The following LCORL variants were observed in gnomAD, a reference collection of about 807,000 sequenced individuals.
LCORL encodes the protein ligand-dependent nuclear receptor corepressor-like protein.
A neutral mutation model predicts 141.8 loss-of-function variants in LCORL; 41 were observed. The observed-to-expected ratio is 0.29, with a 90% CI of 0.23 to 0.38. The LOEUF is 0.38. LCORL is among the 10% of genes least tolerant of loss of function. The pLI, the probability that LCORL is intolerant of heterozygous loss-of-function variation, is 1.00. For missense variants in LCORL, 1,759 were observed against 2,035.0 expected (o/e 0.86, Z 2.61); for synonymous variants, 618 against 694.1 (o/e 0.89, Z 1.72).
intron 7 of LCORL, among the ~76,000 whole-genome samples, chr4:17,854,198 T>C (rs370571612): frequency 6.6e-6 from 1 of 152,184 alleles, no homozygotes; most frequent in Admixed American, 6.6e-5. Context: ...GCACATTTCT[T>C]AATCTTTCTA....
intron 1 of LCORL, among the ~76,000 whole-genome samples, chr4:18,014,639 G>A (rs1195423562): frequency 1.3e-5 from 2 of 151,950 alleles, no homozygotes; most frequent in African/African-American, 4.8e-5. Context: ...AAGGAGATGA[G>A]ACACAGACAA....
At chr4:17,876,691 C>T (rs1459234421) in exon 7 of LCORL, 24 of 1,230,648 alleles carry the variant, frequency 2.0e-5, no homozygotes, top group East Asian at 3.2e-5. Flanking sequence ...CTCAAAAGTC[C>T]AGAAACATCA....
intron 4 of LCORL, among the ~76,000 whole-genome samples, chr4:17,924,955 C>T (rs182796755): frequency 3.9e-5 from 6 of 152,252 alleles, no homozygotes; most frequent in Admixed American, 3.3e-4. Context: ...TTCACGGGTC[C>T]AGGAGTCAAG....
chr4:17,934,467 C>T (rs993255390), intron 4 of LCORL, among the ~76,000 whole-genome samples: 3 of 151,986 alleles, frequency 2.0e-5, no homozygotes, highest in Non-Finnish European at 4.4e-5. Flanking sequence ...AAAAAGCATT[C>T]AGTAGATGGC....
At position 17,879,022 on chromosome 4, in the gene LCORL, T is replaced by C. The variant is rs73242126; in HGVS notation, c.777-809A>G. Among the ~76,000 whole-genome samples the C allele has an allele frequency of 9.8e-3, 1,478 of 151,294 alleles. 7 individuals are homozygous for C. The highest frequency in any genetic ancestry group is 0.017 in the Middle Eastern group (5 of 294). ...TTTAAAGAGTTCTGTTTCAGAAAAG[T>C]ATTTTAATTAAACATATCACCAAAC... On this transcript the variant is annotated intron_variant, in intron 6 of 7. Transcript: ENST00000635767.
intron 5 of LCORL, among the ~76,000 whole-genome samples, chr4:17,897,894 A>T (rs911188177): frequency 2.6e-5 from 4 of 152,156 alleles, no homozygotes. Flanking sequence ...ATGTTTAGAG[A>T]CCACACTCCA....
intron 4 of LCORL, among the ~76,000 whole-genome samples, chr4:17,926,721 G>C (rs1735209989): frequency 6.6e-6 from 1 of 152,164 alleles, no homozygotes. Flanking sequence ...TATCATATTA[G>C]TCCTGTCCTT....
chr4:17,871,626 T>C (rs1189245869), intron 7 of LCORL, among the ~76,000 whole-genome samples: 1 of 151,976 alleles, frequency 6.6e-6, no homozygotes, highest in African/African-American at 2.4e-5. Flanking sequence ...GATATGAGGA[T>C]GATATAAAGA....
chr4:17,990,501 G>A (rs1249750769), intron 1 of LCORL, among the ~76,000 whole-genome samples: 2 of 151,444 alleles, frequency 1.3e-5, no homozygotes, highest in African/African-American at 2.4e-5. Context: ...CTAATCATGA[G>A]GTGAGGGAGT....
At chr4:17,953,851 A>T (rs995224692) in intron 4 of LCORL, among the ~76,000 whole-genome samples, 8 of 152,036 alleles carry the variant, frequency 5.3e-5, no homozygotes, top group Admixed American at 5.2e-4. Flanking sequence ...TTTTAAGAGG[A>T]GTAAGGGAGA....
intron 1 of LCORL, among the ~76,000 whole-genome samples, chr4:18,015,336 A>G (rs1724474192): frequency 6.6e-6 from 1 of 152,202 alleles, no homozygotes; most frequent in South Asian, 2.1e-4. Flanking sequence ...TGTAGCCCAT[A>G]TCTAACATTT....
Position 18,021,798 on chromosome 4 carries a change from C to T in LCORL, c.-47G>A. 1 of 1,439,890 alleles carries T rather than the reference C, an allele frequency of 6.9e-7. No homozygotes were observed. Among genetic ancestry groups the T allele is most frequent in the Non-Finnish European group, 9.0e-7 (1 of 1,105,468 alleles). 89.2% of individuals were successfully genotyped at this position (1,439,890 alleles called of 1,614,324 possible). On this transcript the variant is annotated 5_prime_UTR_variant, in exon 1 of 8. Transcript: ENST00000635767. This position sits in a 1 kb window ranked among gnomAD's most constrained non-coding sequence, Gnocchi z 5.5. ...CTCATTTACATACGAGCAGCGCAGG[C>T]ACGAGGCAGGGGCGCGAGCCCTCGG... is the stretch of plus-strand genomic sequence containing the variant.
chr4:17,964,392 A>G (rs1316404841), intron 2 of LCORL, among the ~76,000 whole-genome samples: 1 of 152,152 alleles, frequency 6.6e-6, no homozygotes, highest in Non-Finnish European at 1.5e-5. Flanking sequence ...AATACTTTAT[A>G]AACTATGAAG....
chr4:17,913,840 A>G (rs538170047), intron 4 of LCORL, among the ~76,000 whole-genome samples: 55 of 152,234 alleles, frequency 3.6e-4, no homozygotes, highest in Admixed American at 8.5e-4. Flanking sequence ...TTGCATTGAC[A>G]TGGTTAAATT....
At chr4:17,964,415 G>A (rs1714448455) in intron 2 of LCORL, among the ~76,000 whole-genome samples, 1 of 152,118 alleles carries the variant, frequency 6.6e-6, no homozygotes, top group Non-Finnish European at 1.5e-5. Flanking sequence ...CCATACAAAA[G>A]CCAGTTATAA....
At chr4:17,842,568 GC>G (rs1457244181) in exon 8 of LCORL, 22 of 540,664 alleles carry the variant, frequency 4.1e-5, no homozygotes, top group Non-Finnish European at 7.0e-5. Flanking sequence ...CGGCGTGTTT[GC>G]TTTTGCCTAT....
chr4:18,007,594 G>GT (rs540016524), intron 1 of LCORL, among the ~76,000 whole-genome samples: 311 of 152,180 alleles, frequency 2.0e-3, no homozygotes, highest in African/African-American at 7.0e-3. Flanking sequence ...GAGTCTCCTA[G>GT]TACAATGCCC....
chr4:17,853,763 C>T (rs1046758547), intron 7 of LCORL, among the ~76,000 whole-genome samples: 2 of 152,130 alleles, frequency 1.3e-5, no homozygotes, highest in African/African-American at 2.4e-5. Flanking sequence ...AAATTGATGT[C>T]TCCACAAATC....
chr4:17,980,855 T>C (rs1013164723), intron 1 of LCORL, among the ~76,000 whole-genome samples: 1 of 152,116 alleles, frequency 6.6e-6, no homozygotes, highest in East Asian at 1.9e-4. Flanking sequence ...ACTGTACTTG[T>C]GAGGTATTCT....
Sources: gnomAD v4.1 joint callset for allele counts (sites outside exome capture counted in the v4.1 genomes callset) on GRCh38, gnomAD v4.1.1 for gene constraint, Gnocchi (gnomAD v3.1) non-coding constraint, MANE v1.5 for transcripts, NCBI Gene and HGNC (gene_info 2026-07-23, HGNC 2026-07-21) for gene names.